INSYN2B: variants seen among roughly 807,000 people sequenced by gnomAD.
The protein encoded by INSYN2B is inhibitory synaptic factor family member 2B, also known as protein INSYN2B.
A neutral mutation model predicts 41.2 loss-of-function variants in INSYN2B; 16 were observed. The observed-to-expected ratio is 0.39, with a 90% CI of 0.26 to 0.59. The LOEUF (loss-of-function observed/expected upper bound fraction) is 0.59, where lower values mean the gene tolerates loss of function less well. Among genes scored for constraint, INSYN2B ranks in the 20% least tolerant of loss-of-function variants. The pLI, the probability that INSYN2B is intolerant of heterozygous loss-of-function variation, is 0.57. For missense variants in INSYN2B, 608 were observed against 646.4 expected (o/e 0.94, Z 0.64); for synonymous variants, 245 against 244.4 (o/e 1.00, Z -0.02).
At chr5:169,877,929 T>C (rs1187169173) in intron 3 of INSYN2B, among the ~76,000 whole-genome samples, 1 of 152,188 alleles carries the variant, frequency 6.6e-6, no homozygotes, top group Non-Finnish European at 1.5e-5. Flanking sequence ...CTGAACAGCA[T>C]GCTTGGATGG....
intron 1 of INSYN2B, among the ~76,000 whole-genome samples, chr5:169,978,509 A>C (rs1051723666): frequency 6.6e-6 from 1 of 151,858 alleles, no homozygotes; most frequent in Non-Finnish European, 1.5e-5. Flanking sequence ...GATGATGATG[A>C]ATTTTTTAAT....
chr5:169,916,936 T>G (rs1774903997), intron 1 of INSYN2B, among the ~76,000 whole-genome samples: 1 of 152,204 alleles, frequency 6.6e-6, no homozygotes, highest in South Asian at 2.1e-4. Context: ...GCCACTATGC[T>G]GTAAAGAAAT....
At chr5:169,898,669 G>A (rs187587365) in intron 1 of INSYN2B, among the ~76,000 whole-genome samples, 1 of 152,086 alleles carries the variant, frequency 6.6e-6, no homozygotes, top group Admixed American at 6.5e-5. Context: ...TTCAATCAAG[G>A]GTTAGACAGT....
chr5:169,914,847 A>G (rs1432474389), intron 1 of INSYN2B, among the ~76,000 whole-genome samples: 1 of 152,208 alleles, frequency 6.6e-6, no homozygotes, highest in Non-Finnish European at 1.5e-5. Context: ...TTTGCATCCC[A>G]TGGAGTAAAT....
intron 1 of INSYN2B, among the ~76,000 whole-genome samples, chr5:169,943,136 C>T (rs963390817): frequency 1.3e-5 from 2 of 152,202 alleles, no homozygotes; most frequent in African/African-American, 4.8e-5. Flanking sequence ...TCCCCACACC[C>T]AGGCCATCAA....
At chr5:169,865,708 C>T (rs1256976919) in intron 3 of INSYN2B, among the ~76,000 whole-genome samples, 2 of 152,286 alleles carry the variant, frequency 1.3e-5, no homozygotes, top group Middle Eastern at 3.4e-3. Flanking sequence ...GTGGAGGAAA[C>T]GTGGTCATGA....
intron 1 of INSYN2B, among the ~76,000 whole-genome samples, chr5:169,892,242 AC>A (rs955987457): frequency 1.3e-4 from 19 of 151,604 alleles, no homozygotes; most frequent in Non-Finnish European, 2.4e-4. Flanking sequence ...CATGAAGACA[AC>A]CCCCCTCATT....
chr5:169,961,459 T>C (rs1777083520), intron 1 of INSYN2B, among the ~76,000 whole-genome samples: 1 of 152,198 alleles, frequency 6.6e-6, no homozygotes, highest in Non-Finnish European at 1.5e-5. Flanking sequence ...GAGCATAATG[T>C]TTGAAATTTA....
rs1214528189 is a variant in INSYN2B, at chr5:169,899,558, A to T, written c.-918-14742T>A. Among the ~76,000 whole-genome samples, 5 of 152,190 alleles carry T rather than the reference A, an allele frequency of 3.3e-5. No homozygotes were observed. In the East Asian group the frequency reaches 7.7e-4, roughly 23 times the overall value. On this transcript the variant is annotated intron_variant, in intron 1 of 3. Coordinates refer to ENST00000377365, the MANE Select transcript of INSYN2B (RefSeq NM_001129891.3). ...AAAAGATCAATAATGGAGAATATAA[A>T]TGTTTGTGCAGAGCTGCTTGGGCAC...
At chr5:169,885,057 A>G (rs902438659) in intron 1 of INSYN2B, among the ~76,000 whole-genome samples, 7 of 151,844 alleles carry the variant, frequency 4.6e-5, no homozygotes, top group Non-Finnish European at 1.0e-4. Flanking sequence ...CACTCAGCCA[A>G]CTCCTGTTCA....
intron 1 of INSYN2B, among the ~76,000 whole-genome samples, chr5:169,919,357 C>T (rs902335196): frequency 1.3e-5 from 2 of 152,172 alleles, no homozygotes; most frequent in African/African-American, 4.8e-5. Flanking sequence ...TACTGCGTTG[C>T]CTTCCCTCCA....
Position 169,862,762 on chromosome 5 carries a change from CTA to C in INSYN2B, c.*1509_*1510del, listed in dbSNP as rs1217035972. On this transcript the variant is annotated 3_prime_UTR_variant, in exon 4 of 4. Transcript: ENST00000377365. ...TGAAATAGCTTTGTTCACTGCATCACTATGACAGGGGAAGGTGAAACCATCGG... is the reference window on the plus strand; with the variant it reads ...TGAAATAGCTTTGTTCACTGCATCACTGACAGGGGAAGGTGAAACCATCGG... Among the ~76,000 whole-genome samples the C allele has an allele frequency of 3.3e-5, 5 of 152,234 alleles. No homozygotes were observed. The highest frequency in any genetic ancestry group is 1.2e-4 in the African/African-American group (5 of 41,462).
chr5:169,865,734 CT>C (rs1304837967), intron 3 of INSYN2B, among the ~76,000 whole-genome samples: 1 of 152,240 alleles, frequency 6.6e-6, no homozygotes, highest in Non-Finnish European at 1.5e-5. Flanking sequence ...GTGCATTCTC[CT>C]TGTTTAGCCA....
intron 3 of INSYN2B, among the ~76,000 whole-genome samples, chr5:169,873,133 C>A (rs780279664): frequency 4.7e-4 from 71 of 152,244 alleles, no homozygotes; most frequent in Non-Finnish European, 8.5e-4. Flanking sequence ...GCTATTAATG[C>A]ATTAAAATAG....
chr5:169,926,543 G>A (rs79118534), intron 1 of INSYN2B, among the ~76,000 whole-genome samples: 249 of 152,278 alleles, frequency 1.6e-3, no homozygotes, highest in African/African-American at 5.7e-3. Context: ...TCTGGGTGCC[G>A]CATGAGGCTG....
chr5:169,945,435 T>C (rs188852991), intron 1 of INSYN2B, among the ~76,000 whole-genome samples: 2 of 152,366 alleles, frequency 1.3e-5, no homozygotes, highest in East Asian at 3.9e-4. Context: ...TCAACAGAAA[T>C]GCTAACAAGT....
intron 1 of INSYN2B, among the ~76,000 whole-genome samples, chr5:169,926,647 G>A (rs1245488327): frequency 1.3e-5 from 2 of 152,298 alleles, no homozygotes; most frequent in South Asian, 2.1e-4. Flanking sequence ...TATGCCATAC[G>A]TCACCCACTT....
intron 3 of INSYN2B, among the ~76,000 whole-genome samples, chr5:169,865,763 T>C (rs891887049): frequency 9.9e-5 from 15 of 152,224 alleles, no homozygotes; most frequent in Admixed American, 9.8e-4. Flanking sequence ...AATGAAATGT[T>C]GCATCTGGGA....
intron 1 of INSYN2B, among the ~76,000 whole-genome samples, chr5:169,886,234 G>T (rs1772961261): frequency 6.6e-6 from 1 of 152,182 alleles, no homozygotes; most frequent in South Asian, 2.1e-4. Context: ...TGAGCAGGTG[G>T]TTCCTCATTT....
Sources: gnomAD v4.1 joint callset for allele counts (sites outside exome capture counted in the v4.1 genomes callset) on GRCh38, gnomAD v4.1.1 for gene constraint, MANE v1.5 for transcripts, NCBI Gene and HGNC (gene_info 2026-07-23, HGNC 2026-07-21) for gene names.